Variants in BACH2 observed in about 807,000 individuals in gnomAD.
BACH2 encodes transcription regulator protein BACH2.
Under a neutral mutation model 61.8 loss-of-function variants are expected in BACH2, and 5 were observed. The ratio of observed to expected loss-of-function variants is 0.08; its 90% CI spans 0.04 to 0.17. BACH2 has a LOEUF of 0.17. Among genes scored for constraint, BACH2 ranks in the 10% least tolerant of loss-of-function variants. The pLI, the probability that BACH2 is intolerant of heterozygous loss-of-function variation, is 1.00. For synonymous variants in BACH2, 446 were observed against 440.1 expected, an observed-to-expected ratio of 1.01 and a Z score of -0.17; for missense variants, 824 against 1,091.1, an observed-to-expected ratio of 0.76 and a Z score of 3.45.
chr6:89,937,691 G>T (rs536603893), intron 8 of BACH2, among the ~76,000 whole-genome samples: 3 of 152,030 alleles, frequency 2.0e-5, no homozygotes, highest in African/African-American at 4.8e-5. Context: ...TGCCATGCCC[G>T]GCTAATTTTT....
At chr6:90,265,146 C>T (rs1271311875) in intron 2 of BACH2, among the ~76,000 whole-genome samples, 1 of 152,160 alleles carries the variant, frequency 6.6e-6, no homozygotes, top group Non-Finnish European at 1.5e-5. Context: ...AACAAGAAAA[C>T]CTTGTAAAAG....
At chr6:89,948,725 C>T (rs567746805) in intron 7 of BACH2, among the ~76,000 whole-genome samples, 13 of 152,132 alleles carry the variant, frequency 8.5e-5, no homozygotes, top group Non-Finnish European at 1.9e-4. Flanking sequence ...AAAACACAGC[C>T]TTTCACTATT....
At chr6:90,254,097 A>G (rs1582536230) in intron 2 of BACH2, among the ~76,000 whole-genome samples, 1 of 152,086 alleles carries the variant, frequency 6.6e-6, no homozygotes, top group Non-Finnish European at 1.5e-5. Context: ...GAGAACTGAC[A>G]TAAAAGAATG....
chr6:90,292,175 C>T (rs909354480), intron 1 of BACH2, among the ~76,000 whole-genome samples: 2 of 152,152 alleles, frequency 1.3e-5, no homozygotes, highest in African/African-American at 2.4e-5. Flanking sequence ...TTCAAGAAAA[C>T]ATGCACTATA....
chr6:90,195,154 T>C (rs944039176), intron 4 of BACH2, among the ~76,000 whole-genome samples: 3 of 152,002 alleles, frequency 2.0e-5, no homozygotes, highest in Admixed American at 2.0e-4. Context: ...TTATGTGCAA[T>C]AAAAAAATGC....
At chr6:90,094,746 A>T (rs1458215934) in intron 4 of BACH2, among the ~76,000 whole-genome samples, 1 of 152,136 alleles carries the variant, frequency 6.6e-6, no homozygotes, top group Non-Finnish European at 1.5e-5. Context: ...TCAGCATCTC[A>T]ATGGGAATGA....
rs554144451 is a variant in BACH2, at chr6:90,294,328, C to A, written c.-446+2152G>T. Among the ~76,000 whole-genome samples the A allele has an allele frequency of 5.9e-5, 9 of 152,236 alleles. No individual in the cohort carries two copies. The East Asian group carries it at 7.7e-4, about 13-fold the overall frequency. On this transcript the variant is annotated intron_variant, in intron 1 of 8. Coordinates refer to ENST00000257749, the MANE Select transcript of BACH2 (RefSeq NM_021813.4). ...CTGCACCAATAAAGTTATGTTCTAA[C>A]AAAAATACTTTATTCCATGGTTGTG...
chr6:90,268,443 G>A lies in BACH2; in HGVS notation c.-353+3406C>T, dbSNP rs371399375. On this transcript the variant is annotated intron_variant, in intron 2 of 8. Coordinates refer to ENST00000257749, the MANE Select transcript of BACH2 (RefSeq NM_021813.4). ...TATATTCTGTCCAACAGTGCAACTC[G>A]AACTGGACTCTGCAGACCAGCCCTA... Among the ~76,000 whole-genome samples the A allele has an allele frequency of 7.2e-5, 11 of 152,264 alleles. No homozygotes were observed. The Middle Eastern group carries it at 0.01, about 141-fold the overall frequency.
At chr6:90,006,933 A>G (rs574184213) in intron 6 of BACH2, among the ~76,000 whole-genome samples, 35 of 152,212 alleles carry the variant, frequency 2.3e-4, no homozygotes, top group Non-Finnish European at 4.7e-4. Context: ...CCTCATTTTT[A>G]TCAGCTGGTT....
intron 4 of BACH2, among the ~76,000 whole-genome samples, chr6:90,175,268 A>T (rs937139610): frequency 6.6e-6 from 1 of 152,014 alleles, no homozygotes. Context: ...AATATTTATT[A>T]TTTTTTCTTA....
At chr6:90,070,964 CCTTTT>C (rs946783896) in intron 5 of BACH2, among the ~76,000 whole-genome samples, 9 of 152,130 alleles carry the variant, frequency 5.9e-5, no homozygotes, top group African/African-American at 2.2e-4. Context: ...TGTTTGTTTT[CCTTTT>C]CTTTCCTTTG....
At chr6:90,294,774 G>A (rs918950884) in intron 1 of BACH2, among the ~76,000 whole-genome samples, 2 of 152,130 alleles carry the variant, frequency 1.3e-5, no homozygotes, top group Non-Finnish European at 2.9e-5. Flanking sequence ...GCCAAAGGAG[G>A]GGCAGCCTTT....
At chr6:90,047,835 C>G (rs1289461299) in intron 5 of BACH2, among the ~76,000 whole-genome samples, 1 of 152,148 alleles carries the variant, frequency 6.6e-6, no homozygotes, top group Non-Finnish European at 1.5e-5. Flanking sequence ...GATCTCAGGG[C>G]TGGCAAACAC....
intron 7 of BACH2, 64 bp from the exon 8 acceptor site, chr6:89,938,414 T>C: frequency 7.1e-7 from 1 of 1,416,076 alleles, no homozygotes; most frequent in South Asian, 1.2e-5. Flanking sequence ...AGGCGGAACA[T>C]CAAAAATGAT....
rs9451356 is a variant in BACH2 at position 90,099,482 on chromosome 6, G to A, written c.-161-10373C>T. Among the ~76,000 whole-genome samples, 641 of 152,268 alleles carry A rather than the reference G, an allele frequency of 4.2e-3. 6 individuals carry two copies. The highest frequency in any genetic ancestry group is 0.014 in the African/African-American group (562 of 41,550). The stretch of plus-strand genomic sequence containing the variant: ...CATCCTCGAACTCTTGGGCTCAAGC[G>A]ATCCTCCGGCCTCAGCCTCCTGAGT... On this transcript the variant is annotated intron_variant, in intron 4 of 8. Transcript: ENST00000257749.
chr6:90,248,857 A>C (rs1448904179), intron 3 of BACH2, among the ~76,000 whole-genome samples: 1 of 152,238 alleles, frequency 6.6e-6, no homozygotes, highest in Non-Finnish European at 1.5e-5. Context: ...TGGCTGCTTC[A>C]CTACTACCCT....
intron 4 of BACH2, among the ~76,000 whole-genome samples, chr6:90,107,722 T>C (rs931895698): frequency 1.3e-5 from 2 of 151,832 alleles, no homozygotes; most frequent in Non-Finnish European, 2.9e-5. Context: ...TTGGCACTTA[T>C]TCCTATTACT....
At position 90,107,304 on chromosome 6, in the gene BACH2, G is replaced by A. The variant is rs146071391; in HGVS notation, c.-161-18195C>T. Reference sequence around the variant, plus strand: ...GGAGAATTGCTTGAATCCAGGAAGCGGAGGTTGCAGTGAGCTGAGATCGTG... The same window carrying A: ...GGAGAATTGCTTGAATCCAGGAAGCAGAGGTTGCAGTGAGCTGAGATCGTG... On this transcript the variant is annotated intron_variant, in intron 4 of 8. Coordinates refer to ENST00000257749, the MANE Select transcript of BACH2 (RefSeq NM_021813.4). 6.2e-3 allele frequency among the ~76,000 whole-genome samples: 944 copies of A among 152,052 alleles called. 9 individuals carry two copies. Among genetic ancestry groups the A allele is most frequent in the African/African-American group, 0.021 (891 of 41,468 alleles).
rs1554215928 is a variant in BACH2, at chr6:89,931,957, ATTT to A, written c.*448_*450del. 2.4e-5 allele frequency: 3 copies of A among 123,890 alleles called. No homozygotes were observed. Among genetic ancestry groups the A allele is most frequent in the Non-Finnish European group, 5.2e-5 (3 of 57,536 alleles). The allele number at this position is 123,890 out of a possible 1,614,324, so 7.7% of individuals were successfully genotyped here. A position where few individuals can be genotyped will look rare whatever the true frequency, so the allele number is the denominator to read the frequency against. ...TGGATATATATATATATATATATAT[ATTT>A]TATATATATATTATATATAATATGT... On this transcript the variant is annotated 3_prime_UTR_variant, in exon 9 of 9. Coordinates refer to ENST00000257749, the MANE Select transcript of BACH2 (RefSeq NM_021813.4).
Sources: gnomAD v4.1 joint callset for allele counts (sites outside exome capture counted in the v4.1 genomes callset) on GRCh38, gnomAD v4.1.1 for gene constraint, MANE v1.5 for transcripts, NCBI Gene and HGNC (gene_info 2026-07-23, HGNC 2026-07-21) for gene names.